The following NAAA variants were observed in gnomAD, a reference collection of about 807,000 sequenced individuals.
NAAA encodes the protein N-acylethanolamine acid amidase, also known as N-acylethanolamine-hydrolyzing acid amidase.
NAAA carries 39 observed loss-of-function variants against 44.8 expected under a neutral mutation model. The observed-to-expected ratio is 0.87, with a 90% confidence interval of 0.67 to 1.14. The LOEUF (loss-of-function observed/expected upper bound fraction) is 1.14. NAAA is among the 50% of genes most tolerant of loss of function. The probability of loss-of-function intolerance (pLI) is 0.00; values close to 1 mark genes in which losing one functional copy is unlikely to be tolerated. For synonymous variants in NAAA, 178 were observed against 191.3 expected (o/e 0.93, Z 0.58); for missense variants, 460 against 467.8 (o/e 0.98, Z 0.15).
intron 4 of NAAA, among the ~76,000 whole-genome samples, chr4:75,927,647 C>T (rs1317957275): frequency 1.1e-4 from 6 of 54,538 alleles, no homozygotes; most frequent in Non-Finnish European, 1.8e-4. Context: ...CCCCCCCCCC[C>T]GCCAAAAAAA....
At chr4:75,915,406 G>C (rs371917919) in intron 9 of NAAA, among the ~76,000 whole-genome samples, 5 of 152,074 alleles carry the variant, frequency 3.3e-5, no homozygotes, top group African/African-American at 1.2e-4. Context: ...CAAGGCAGTG[G>C]GGGAGACCAA....
rs772817759 is a variant in NAAA at position 75,940,960 on chromosome 4, C to T, written c.-11G>A. ...GTCCGCGGTCCGCATGGCTCGGGCT[C>T]CAGCGGCCGCAACTTGGAGACCTGC... is the stretch of plus-strand genomic sequence containing the variant. On this transcript the variant is annotated 5_prime_UTR_variant, in exon 1 of 11. Coordinates refer to ENST00000286733, the MANE Select transcript of NAAA (RefSeq NM_014435.4). 64 of 1,468,406 alleles carry T rather than the reference C, an allele frequency of 4.4e-5. No homozygotes were observed. In the East Asian group the frequency reaches 1.6e-3, roughly 37 times the overall value. 91.0% of individuals were successfully genotyped at this position (1,468,406 alleles called of 1,614,324 possible).
intron 4 of NAAA, among the ~76,000 whole-genome samples, chr4:75,928,957 T>G (rs749090238): frequency 5.8e-4 from 76 of 130,122 alleles, no homozygotes; most frequent in Non-Finnish European, 1.2e-3. Context: ...CCGGCTAAAT[T>G]TGTGTTTTTT....
chr4:75,940,993 G>C lies in NAAA; in HGVS notation c.-44C>G. On this transcript the variant is annotated 5_prime_UTR_variant, in exon 1 of 11. Transcript: ENST00000286733. ...CGCAACTTGGAGACCTGCAGCCGCT[G>C]TCGGAGCCCGGGTAAGCCGTGGAGG... 1 of 1,432,054 alleles carries C rather than the reference G, an allele frequency of 7.0e-7. No homozygotes were observed. Among genetic ancestry groups the C allele is most frequent in the Non-Finnish European group, 9.1e-7 (1 of 1,102,630 alleles). 88.7% of individuals were successfully genotyped at this position (1,432,054 alleles called of 1,614,324 possible).
chr4:75,918,591 G>C (rs1725846395), intron 9 of NAAA, among the ~76,000 whole-genome samples, 170 bp downstream of exon 9: 1 of 151,492 alleles, frequency 6.6e-6, no homozygotes, highest in African/African-American at 2.4e-5. Context: ...AGTCCCATGA[G>C]AGCAGAGACT....
At chr4:75,927,640 C>G (rs77495590) in intron 4 of NAAA, among the ~76,000 whole-genome samples, 2 of 101,344 alleles carry the variant, frequency 2.0e-5, no homozygotes, top group African/African-American at 7.7e-5. Flanking sequence ...AATGCCCCCC[C>G]CCCCCCCGCC....
At chr4:75,928,826 C>T (rs1447149017) in intron 4 of NAAA, among the ~76,000 whole-genome samples, 9 of 150,446 alleles carry the variant, frequency 6.0e-5, no homozygotes, top group African/African-American at 2.0e-4. Context: ...CTCGCTCTGT[C>T]GCCCATGCTG....
chr4:75,925,850 T>A, intron 4 of NAAA, 39 bp from the exon 5 acceptor site: 1 of 1,541,300 alleles, frequency 6.5e-7, no homozygotes. Context: ...TGTGTGTGTA[T>A]ATATGTACAC....
chr4:75,927,632 T>TA (rs1726830270), intron 4 of NAAA, among the ~76,000 whole-genome samples: 1 of 16,754 alleles, frequency 6.0e-5, no homozygotes, highest in Non-Finnish European at 1.1e-4. Context: ...AAATTTTTAA[T>TA]GCCCCCCCCC....
chr4:75,914,972 T>C lies in NAAA; in HGVS notation c.1012A>G (p.Thr338Ala). 8 of 1,612,680 alleles carry C rather than the reference T, an allele frequency of 5.0e-6. No homozygotes were observed. The highest frequency in any genetic ancestry group is 6.8e-6 in the Non-Finnish European group (8 of 1,178,716). Reference protein sequence around the residue: ...VPVYNNFTIYTTVMSAGSPDK... With the variant: ...VPVYNNFTIYATVMSAGSPDK... ...GGGCTACCGGCGCTCATTACCGTAG[T>C]ATAAATTGTGAAGCTGAAAATTATG... Residue 338 changes from threonine (T) to alanine (A), a missense_variant, in exon 10 of 11, where the codon ACT (threonine) becomes GCT (alanine). By Grantham distance (58) the Thr-to-Ala change is moderately conservative (BLOSUM62 0). Coordinates refer to ENST00000286733, the MANE Select transcript of NAAA (RefSeq NM_014435.4).
intron 4 of NAAA, among the ~76,000 whole-genome samples, chr4:75,930,154 G>T (rs1727100439): frequency 2.0e-5 from 3 of 152,104 alleles, no homozygotes; most frequent in Admixed American, 2.0e-4. Context: ...AAGTCAATCA[G>T]GGTTCATCAG....
At chr4:75,940,625 G>T (rs777383411) in intron 1 of NAAA, 119 bp downstream of exon 1, 16 of 1,188,186 alleles carry the variant, frequency 1.3e-5, no homozygotes, top group Non-Finnish European at 1.7e-5. Flanking sequence ...GCCAAAACCA[G>T]TTCTCCAAGG....
downstream of NAAA, among the ~76,000 whole-genome samples, chr4:75,912,249 A>G (rs1012534049): frequency 2.6e-5 from 4 of 152,164 alleles, no homozygotes; most frequent in African/African-American, 9.6e-5. Flanking sequence ...AATAAGACTA[A>G]TAAGTAGAAA....
intron 2 of NAAA, among the ~76,000 whole-genome samples, chr4:75,938,269 A>G (rs1365563657): frequency 1.3e-5 from 2 of 152,228 alleles, no homozygotes; most frequent in Admixed American, 6.5e-5. Flanking sequence ...GAATGGTGCT[A>G]TTAGGCAATT....
At chr4:75,911,310 G>T, downstream of NAAA, 1 of 517,940 alleles carries the variant, frequency 1.9e-6, no homozygotes, top group South Asian at 1.5e-5. Context: ...GGCTTAGCTT[G>T]GGCTCAGAGG....
At position 75,940,120 on chromosome 4, in the gene NAAA, G is replaced by T; in HGVS notation, c.252C>A (p.Val84=). ...KWVHVLIGKV[V]LELERFLPQP... The stretch of plus-strand genomic sequence containing the variant: ...GGGGCAGGAAGCGCTCCAGCTCCAG[G>T]ACCACTTTTCCGATTAACACGTGCA... The change falls in exon 2 of 11, where the codon GTC becomes GTA. Residue 84 remains valine (V), a synonymous_variant. Transcript: ENST00000286733. 6.2e-7 allele frequency: 1 copy of T among 1,614,128 alleles called. No individual in the cohort carries two copies. Among genetic ancestry groups the T allele is most frequent in the Non-Finnish European group, 8.5e-7 (1 of 1,180,040 alleles).
chr4:75,910,657 G>C (rs918380883), downstream of NAAA, among the ~76,000 whole-genome samples: 2 of 152,184 alleles, frequency 1.3e-5, no homozygotes, highest in Non-Finnish European at 2.9e-5. Context: ...AGAGAATGTA[G>C]GTGAGCAATT....
At chr4:75,929,947 G>A (rs1373148200) in intron 4 of NAAA, among the ~76,000 whole-genome samples, 6 of 151,968 alleles carry the variant, frequency 3.9e-5, no homozygotes, top group Non-Finnish European at 7.4e-5. Context: ...AAAATTAGCC[G>A]GGTGTGGTGG....
intron 9 of NAAA, 81 bp from the exon 10 acceptor site, chr4:75,915,066 C>T: frequency 2.9e-6 from 3 of 1,041,854 alleles, no homozygotes; most frequent in Non-Finnish European, 3.0e-6. Context: ...AAGTGCTTCC[C>T]TAACACTTGA....
Sources: allele counts gnomAD v4.1 joint callset (sites outside exome capture counted in the v4.1 genomes callset), GRCh38; gene constraint gnomAD v4.1.1; transcripts MANE v1.5; gene names NCBI Gene and HGNC (gene_info 2026-07-23, HGNC 2026-07-21).